Variants in DBNL observed in about 807,000 individuals in gnomAD.
DBNL encodes the protein drebrin like.
In DBNL, 35 loss-of-function variants were observed where a neutral mutation model predicts 62.2. The ratio of observed to expected loss-of-function variants is 0.56; its 90% CI spans 0.43 to 0.75. DBNL has a LOEUF of 0.75. DBNL is among the 30% of genes least tolerant of loss of function. The pLI is 0.00. For missense variants in DBNL, 495 were observed against 578.4 expected (o/e 0.86, Z 1.48); for synonymous variants, 197 against 218.0 (o/e 0.90, Z 0.85).
intron 4 of DBNL, 144 bp downstream of exon 4, chr7:44,053,085 A>G (rs1786128897): frequency 1.8e-6 from 2 of 1,125,016 alleles, no homozygotes; most frequent in South Asian, 2.9e-5. Context: ...CTTTGAGGGC[A>G]TGACCAGAGG....
chr7:44,046,192 G>A (rs2096116984), intron 1 of DBNL, among the ~76,000 whole-genome samples: 1 of 152,096 alleles, frequency 6.6e-6, no homozygotes, highest in South Asian at 2.1e-4. Context: ...CATACCACTT[G>A]GCTTTAGAAC....
rs1469716942 is a variant in DBNL at position 44,057,767 on chromosome 7, T to C, written c.475-15T>C. 1 of 1,613,978 alleles carries C rather than the reference T, an allele frequency of 6.2e-7. No individual in the cohort carries two copies. Among genetic ancestry groups the C allele is most frequent in the Non-Finnish European group, 8.5e-7 (1 of 1,179,994 alleles). ...CACCTGGGTCCAGGTCTCTAATGAG[T>C]GCTGTCCCCTACAGGGCTCTGTGTA... On this transcript the variant is annotated splice_polypyrimidine_tract_variant and intron_variant, in intron 5 of 12. Transcript: ENST00000448521.
chr7:44,059,693 G>A lies in DBNL; in HGVS notation c.1047+35G>A, dbSNP rs4377865. ...TACACTGGGGCTGGGGCCAGGAAGG[G>A]GCTGCATACTCAGGAACACTTATCA... On this transcript the variant is annotated intron_variant, in intron 11 of 12. Coordinates refer to ENST00000448521, the MANE Select transcript of DBNL (RefSeq NM_001014436.3). The surrounding 1 kb of genome is among the most constrained non-coding windows in gnomAD (Gnocchi z 4.1). 15 of 1,552,876 alleles carry A rather than the reference G, an allele frequency of 9.7e-6. No homozygotes were observed. In the East Asian group the frequency reaches 3.5e-4, roughly 36 times the overall value.
Position 44,051,930 on chromosome 7 carries a change from C to T in DBNL, c.240C>T (p.Val80=). 6.2e-7 allele frequency: 1 copy of T among 1,614,166 alleles called. No individual in the cohort carries two copies. Among genetic ancestry groups the T allele is most frequent in the Non-Finnish European group, 8.5e-7 (1 of 1,180,006 alleles). ...KDPNSGLPKF[V]LINWTGEGVN... is the part of the protein sequence containing the mutation. Reference sequence around the variant, plus strand: ...CCAACTCTGGACTGCCCAAATTTGTCCTCATCAACTGGGTATGTGGAGCCT... The same window carrying T: ...CCAACTCTGGACTGCCCAAATTTGTTCTCATCAACTGGGTATGTGGAGCCT... Residue 80 remains valine (V), a synonymous_variant, in exon 3 of 13, where the codon GTC becomes GTT. Transcript: ENST00000448521.
At chr7:44,049,928 T>C in intron 1 of DBNL, 1 of 341,658 alleles carries the variant, frequency 2.9e-6, no homozygotes, top group Non-Finnish European at 5.7e-6. Context: ...ACTCCACAGC[T>C]CATGTTTTCC....
chr7:44,050,634 T>A (rs544198932), intron 2 of DBNL: 3 of 250,640 alleles, frequency 1.2e-5, no homozygotes, highest in Non-Finnish European at 2.4e-5. Context: ...TTCTTCTCCC[T>A]TTGTCCTGCC....
intron 4 of DBNL, 156 bp downstream of exon 4, chr7:44,053,097 T>C (rs944050250): frequency 3.9e-6 from 4 of 1,033,922 alleles, no homozygotes; most frequent in Non-Finnish European, 5.6e-6. Flanking sequence ...GACCAGAGGC[T>C]GCTTCACTCT....
rs1449737700 is a variant in DBNL, at chr7:44,052,892, G to A, written c.278G>A (p.Arg93Gln). Residue 93 changes from arginine (R) to glutamine (Q), a missense_variant, in exon 4 of 13, where the codon CGG (arginine) becomes CAG (glutamine). Coordinates refer to ENST00000448521, the MANE Select transcript of DBNL (RefSeq NM_001014436.3). ...NWTGEGVNDV[R>Q]KGACASHVST... ...ACAGGCGAGGGCGTGAACGATGTGCGGAAGGGAGCCTGTGCCAGCCACGTC... is the reference window on the plus strand; with the variant it reads ...ACAGGCGAGGGCGTGAACGATGTGCAGAAGGGAGCCTGTGCCAGCCACGTC... The A allele has an allele frequency of 5.0e-6, 8 of 1,613,688 alleles. No individual in the cohort carries two copies. The highest frequency in any genetic ancestry group is 1.3e-5 in the African/African-American group (1 of 74,934).
In DBNL at chr7:44,064,039, T is replaced by G. The variant is rs1434041533; in HGVS notation, c.*3123T>G. The G allele has an allele frequency of 6.6e-6, 1 of 152,604 alleles. No individual in the cohort carries two copies. The highest frequency in any genetic ancestry group is 2.4e-5 in the African/African-American group (1 of 41,462). The allele number at this position is 152,604 out of a possible 1,614,324, so 9.5% of individuals were successfully genotyped here. ...GCTCTGGCCAACTGCCCAACGGCCCTAGGAGCAGGAGGTCTGGGGCACACC... is the reference window on the plus strand; with the variant it reads ...GCTCTGGCCAACTGCCCAACGGCCCGAGGAGCAGGAGGTCTGGGGCACACC... On this transcript the variant is annotated 3_prime_UTR_variant, in exon 13 of 13. Coordinates refer to ENST00000448521, the MANE Select transcript of DBNL (RefSeq NM_001014436.3).
chr7:44,059,036 C>G lies in DBNL; in HGVS notation c.835+53C>G. 2 of 1,593,024 alleles carry G rather than the reference C, an allele frequency of 1.3e-6. No homozygotes were observed. The highest frequency in any genetic ancestry group is 1.7e-6 in the Non-Finnish European group (2 of 1,162,818). On this transcript the variant is annotated intron_variant, in intron 9 of 12. Coordinates refer to ENST00000448521, the MANE Select transcript of DBNL (RefSeq NM_001014436.3). This position sits in a 1 kb window ranked among gnomAD's most constrained non-coding sequence, Gnocchi z 4.1. ...GAGGCAGCAGCAGGCTGAGGGGGAG[C>G]CTGGGGTCCTATGTGGGCTCCCCCA...
At chr7:44,053,212 G>A (rs149276805) in intron 4 of DBNL, among the ~76,000 whole-genome samples, 4 of 152,318 alleles carry the variant, frequency 2.6e-5, no homozygotes, top group African/African-American at 9.6e-5. Context: ...CCGTGAGAAG[G>A]GTGGGCCCTG....
chr7:44,053,987 A>AT (rs1183496508), intron 4 of DBNL, among the ~76,000 whole-genome samples: 1 of 151,964 alleles, frequency 6.6e-6, no homozygotes. Context: ...AGAATCTGAG[A>AT]TTTTTTGAGT....
In DBNL at chr7:44,065,002, T is replaced by G. The variant is rs1189526765; in HGVS notation, c.*4086T>G. The G allele has an allele frequency of 6.2e-7, 1 of 1,606,436 alleles. No individual in the cohort carries two copies. Among genetic ancestry groups the G allele is most frequent in the African/African-American group, 1.3e-5 (1 of 75,032 alleles). On this transcript the variant is annotated 3_prime_UTR_variant, in exon 13 of 13. Coordinates refer to ENST00000448521, the MANE Select transcript of DBNL (RefSeq NM_001014436.3). ...GAGTTCCCCGGGCTTCAGGCCTGCGTACCGACGCTCCTGGGGGACACAGGC... is the reference window on the plus strand; with the variant it reads ...GAGTTCCCCGGGCTTCAGGCCTGCGGACCGACGCTCCTGGGGGACACAGGC...
intron 4 of DBNL, among the ~76,000 whole-genome samples, chr7:44,056,341 G>C (rs1410536154): frequency 6.6e-6 from 1 of 152,208 alleles, no homozygotes; most frequent in Non-Finnish European, 1.5e-5. Context: ...GAAGCCTCCA[G>C]CTTTGTACTT....
chr7:44,047,955 C>T (rs1050545139), intron 1 of DBNL, among the ~76,000 whole-genome samples: 2 of 140,238 alleles, frequency 1.4e-5, no homozygotes, highest in South Asian at 4.7e-4. Context: ...CTTGCTCTGT[C>T]GCCCAGGCTG....
rs750586568 is a variant in DBNL, at chr7:44,056,695, A to G, written c.328-62A>G. The stretch of plus-strand genomic sequence containing the variant: ...AGTGGCCCGTGCTGTATGGACTGAC[A>G]GGAGTTTGGCCCATCTCCTGGGCTT... On this transcript the variant is annotated intron_variant, in intron 4 of 12. Coordinates refer to ENST00000448521, the MANE Select transcript of DBNL (RefSeq NM_001014436.3). 2.5e-6 allele frequency: 4 copies of G among 1,608,260 alleles called. No individual in the cohort carries two copies. The South Asian group carries it at 4.4e-5, about 18-fold the overall frequency.
Position 44,058,462 on chromosome 7 carries a change from A to C in DBNL, c.735A>C (p.Ser245=), listed in dbSNP as rs1364723108. 1 of 1,614,182 alleles carries C rather than the reference A, an allele frequency of 6.2e-7. No individual in the cohort carries two copies. Among genetic ancestry groups the C allele is most frequent in the Non-Finnish European group, 8.5e-7 (1 of 1,180,028 alleles). Residue 245 remains serine, a synonymous_variant, in exon 8 of 13, where the codon TCA becomes TCC. Coordinates refer to ENST00000448521, the MANE Select transcript of DBNL (RefSeq NM_001014436.3). ...GGGAGCAGCAGCAAGAAGTGGTTTC[A>C]AGGAACCGAAATGAGCAGGTAAGAT... ...RTWEQQQEVV[S]RNRNEQESAV...
At chr7:44,047,026 G>C (rs2096118472) in intron 1 of DBNL, among the ~76,000 whole-genome samples, 1 of 152,146 alleles carries the variant, frequency 6.6e-6, no homozygotes, top group South Asian at 2.1e-4. Flanking sequence ...GTCCCAGGTG[G>C]CTCCCCAGCC....
At position 44,062,586 on chromosome 7, in the gene DBNL, CT is replaced by C. The variant is rs2096151185; in HGVS notation, c.*1671del. The C allele has an allele frequency of 1.5e-6, 1 of 647,358 alleles. No individual in the cohort carries two copies. The highest frequency in any genetic ancestry group is 2.7e-6 in the Non-Finnish European group (1 of 365,420). 40.1% of individuals were successfully genotyped at this position (647,358 alleles called of 1,614,324 possible). On this transcript the variant is annotated 3_prime_UTR_variant, in exon 13 of 13. Coordinates refer to ENST00000448521, the MANE Select transcript of DBNL (RefSeq NM_001014436.3). ...CAGCCCTGGCTCAGTGTCCTGATGA[CT>C]AGGTGTGGGTACTAGGCTCCTGCCC...
Sources: allele counts gnomAD v4.1 joint callset (sites outside exome capture counted in the v4.1 genomes callset), GRCh38; gene constraint gnomAD v4.1.1; non-coding constraint Gnocchi (gnomAD v3.1); transcripts MANE v1.5; gene names NCBI Gene and HGNC (gene_info 2026-07-23, HGNC 2026-07-21).